Variants in CYBRD1 observed in about 807,000 individuals in gnomAD.
CYBRD1 encodes the protein cytochrome b reductase 1.
In CYBRD1, 14 loss-of-function variants were observed where a neutral mutation model predicts 21.9. The observed-to-expected ratio is 0.64, with a 90% confidence interval of 0.42 to 1.00. CYBRD1 has a LOEUF of 1.00. Ranked by LOEUF, CYBRD1 falls within the 50% of genes least tolerant of loss-of-function variation. The pLI is 0.00. For synonymous variants in CYBRD1, 146 were observed against 136.5 expected (o/e 1.07, Z -0.48); for missense variants, 328 against 352.5 (o/e 0.93, Z 0.56).
chr2:171,552,885 T>C (rs1260932118), intron 2 of CYBRD1, among the ~76,000 whole-genome samples: 2 of 151,294 alleles, frequency 1.3e-5, no homozygotes, highest in African/African-American at 4.8e-5. Flanking sequence ...AAAAAATCTT[T>C]TCCTTCCCTT....
intron 1 of CYBRD1, among the ~76,000 whole-genome samples, chr2:171,525,053 C>A (rs1485898785): frequency 6.6e-6 from 1 of 152,054 alleles, no homozygotes; most frequent in Admixed American, 6.6e-5. Flanking sequence ...TTCTCCTGCC[C>A]CAGCCTCCCC....
intron 1 of CYBRD1, among the ~76,000 whole-genome samples, chr2:171,537,778 A>G (rs1350340775): frequency 6.6e-6 from 1 of 152,194 alleles, no homozygotes; most frequent in East Asian, 1.9e-4. Flanking sequence ...CTAGTGTTCT[A>G]TATAGCACTG....
intron 1 of CYBRD1, among the ~76,000 whole-genome samples, chr2:171,536,495 G>A (rs1288312784): frequency 2.0e-5 from 3 of 152,044 alleles, no homozygotes; most frequent in Non-Finnish European, 4.4e-5. Context: ...TAGTGGAGAC[G>A]GGGTTTCACC....
chr2:171,536,956 G>A (rs774425320), intron 1 of CYBRD1, among the ~76,000 whole-genome samples: 1 of 151,998 alleles, frequency 6.6e-6, no homozygotes, highest in African/African-American at 2.4e-5. Context: ...TGGTGATGAT[G>A]ATAACAAAAA....
At chr2:171,533,626 A>C (rs1697502735) in intron 1 of CYBRD1, among the ~76,000 whole-genome samples, 4 of 152,224 alleles carry the variant, frequency 2.6e-5, no homozygotes, top group Admixed American at 2.6e-4. Flanking sequence ...TTGTGTATAT[A>C]AATAGTTTTG....
chr2:171,531,895 A>C (rs1478580545), intron 1 of CYBRD1, among the ~76,000 whole-genome samples: 1 of 152,114 alleles, frequency 6.6e-6, no homozygotes, highest in Admixed American at 6.6e-5. Flanking sequence ...CTTTTTCTAC[A>C]TGTATTTGGT....
At chr2:171,553,245 A>G (rs1304477164) in intron 2 of CYBRD1, 101 bp from the exon 3 acceptor site, 8 of 1,382,638 alleles carry the variant, frequency 5.8e-6, no homozygotes, top group Non-Finnish European at 7.0e-6. Flanking sequence ...TTGGTTCTAT[A>G]TGAAAGGTTT....
chr2:171,526,667 A>G (rs1002369315), intron 1 of CYBRD1, among the ~76,000 whole-genome samples: 1 of 152,224 alleles, frequency 6.6e-6, no homozygotes, highest in East Asian at 1.9e-4. Flanking sequence ...CTAGGAAATC[A>G]GAGAAACGAA....
intron 1 of CYBRD1, among the ~76,000 whole-genome samples, chr2:171,535,482 G>T (rs1433160300): frequency 1.3e-5 from 2 of 150,010 alleles, no homozygotes; most frequent in South Asian, 4.2e-4. Context: ...CAGCAAATTT[G>T]ACACATTTCT....
intron 2 of CYBRD1, among the ~76,000 whole-genome samples, chr2:171,548,626 A>G (rs1167031612): frequency 7.0e-6 from 1 of 143,624 alleles, no homozygotes; most frequent in African/African-American, 2.6e-5. Flanking sequence ...TTGAAAGCTC[A>G]TTAAATCTAC....
At chr2:171,531,345 A>C (rs1286520696) in intron 1 of CYBRD1, among the ~76,000 whole-genome samples, 1 of 152,154 alleles carries the variant, frequency 6.6e-6, no homozygotes, top group Non-Finnish European at 1.5e-5. Context: ...ATATTTATTA[A>C]GTACTTACTG....
chr2:171,557,099 T>C lies in CYBRD1; in HGVS notation c.*2272T>C, dbSNP rs1258451159. 2 of 152,756 alleles carry C rather than the reference T, an allele frequency of 1.3e-5. No homozygotes were observed. The highest frequency in any genetic ancestry group is 1.5e-5 in the Non-Finnish European group (1 of 68,022). The allele number at this position is 152,756 out of a possible 1,614,324, so 9.5% of individuals were successfully genotyped here. On this transcript the variant is annotated 3_prime_UTR_variant, in exon 4 of 4. Coordinates refer to ENST00000321348, the MANE Select transcript of CYBRD1 (RefSeq NM_024843.4). ...TAATGTGAGGATAATCTTACAGATA[T>C]TATAGGAATTTCTTTTCTATCTTTA...
intron 1 of CYBRD1, among the ~76,000 whole-genome samples, chr2:171,539,553 A>G (rs1697597526): frequency 6.6e-6 from 1 of 152,176 alleles, no homozygotes; most frequent in South Asian, 2.1e-4. Context: ...AACTTTTTCA[A>G]TCTGCCACAC....
At chr2:171,540,320 A>G (rs1489277947) in intron 1 of CYBRD1, among the ~76,000 whole-genome samples, 1 of 152,184 alleles carries the variant, frequency 6.6e-6, no homozygotes, top group Non-Finnish European at 1.5e-5. Flanking sequence ...GTTGATCCAT[A>G]TTACTGGGTC....
At chr2:171,553,545 T>A in intron 3 of CYBRD1, 45 bp downstream of exon 3, 1 of 1,530,066 alleles carries the variant, frequency 6.5e-7, no homozygotes, top group Middle Eastern at 1.7e-4. Context: ...AGCCACAAAA[T>A]GTTAAATACT....
intron 1 of CYBRD1, among the ~76,000 whole-genome samples, chr2:171,529,349 T>C (rs903251194): frequency 6.6e-6 from 1 of 151,924 alleles, no homozygotes; most frequent in African/African-American, 2.4e-5. Context: ...CTGACCAACA[T>C]GGAGAAACCC....
chr2:171,553,604 TAAAATTAAAAAATA>T, intron 3 of CYBRD1, 104 bp downstream of exon 3: 1 of 1,021,734 alleles, frequency 9.8e-7, no homozygotes, highest in Non-Finnish European at 1.3e-6. Context: ...TTTTAGATAT[TAAAATTAAAAAATA>T]TTTTAAAGAA....
chr2:171,550,620 T>G (rs1214957975), intron 2 of CYBRD1, among the ~76,000 whole-genome samples: 1 of 152,176 alleles, frequency 6.6e-6, no homozygotes, highest in Non-Finnish European at 1.5e-5. Flanking sequence ...AGTTAAGCAT[T>G]CTGTAATGTT....
intron 1 of CYBRD1, among the ~76,000 whole-genome samples, chr2:171,531,128 C>T (rs1697459082): frequency 6.9e-6 from 1 of 143,994 alleles, no homozygotes; most frequent in Admixed American, 7.1e-5. Flanking sequence ...TGCACTCCAG[C>T]CTGGGGACAG....
Sources: gnomAD v4.1 joint callset for allele counts (sites outside exome capture counted in the v4.1 genomes callset) on GRCh38, gnomAD v4.1.1 for gene constraint, MANE v1.5 for transcripts, NCBI Gene and HGNC (gene_info 2026-07-23, HGNC 2026-07-21) for gene names.